GCNT1: variants seen among roughly 807,000 people sequenced by gnomAD.
GCNT1 encodes glucosaminyl (N-acetyl) transferase 1.
GCNT1 carries 16 observed loss-of-function variants against 26.2 expected under a neutral mutation model. The ratio of observed to expected loss-of-function variants is 0.61; its 90% CI spans 0.41 to 0.93. The LOEUF is 0.93. Among genes scored for constraint, GCNT1 ranks in the 40% least tolerant of loss-of-function variants. The pLI, the probability that GCNT1 is intolerant of heterozygous loss-of-function variation, is 0.00. For missense variants in GCNT1, 477 were observed against 526.7 expected, an observed-to-expected ratio of 0.91 and a Z score of 0.92; for synonymous variants, 183 against 190.8, an observed-to-expected ratio of 0.96 and a Z score of 0.34.
the GCNT1 span, among the ~76,000 whole-genome samples, chr9:76,413,648 G>GTTTTTTTTTTTT: frequency 2.1e-4 from 6 of 28,118 alleles, no homozygotes; most frequent in Admixed American, 1.3e-3. Context: ...TTTTTGTTTT[G>GTTTTTTTTTTTT]TTTTGTTTTT....
chr9:76,430,646 A>G (rs1163256949), intron 1 of GCNT1, among the ~76,000 whole-genome samples: 1 of 152,072 alleles, frequency 6.6e-6, no homozygotes, highest in Non-Finnish European at 1.5e-5. Context: ...TTGGTCTCCC[A>G]AAGTGCTGGG....
chr9:76,398,216 C>T, the GCNT1 span, among the ~76,000 whole-genome samples: 1 of 151,738 alleles, frequency 6.6e-6, no homozygotes, highest in African/African-American at 2.4e-5. Context: ...TCTAAGTAAG[C>T]AATGAAAAAT....
chr9:76,458,805 C>G (rs549158243), upstream of GCNT1, among the ~76,000 whole-genome samples: 73 of 152,222 alleles, frequency 4.8e-4, no homozygotes, highest in Non-Finnish European at 9.1e-4. Context: ...ATGGTTATCT[C>G]TAAACTTTAC....
chr9:76,489,619 G>A (rs1447379505), intron 2 of GCNT1, among the ~76,000 whole-genome samples: 2 of 152,094 alleles, frequency 1.3e-5, no homozygotes, highest in African/African-American at 2.4e-5. Context: ...ATGCTGATTG[G>A]TGCATTTACA....
In GCNT1 at chr9:76,503,717, C is replaced by G. The variant is rs548515147; in HGVS notation, c.*49C>G. 7.4e-7 allele frequency: 1 copy of G among 1,342,702 alleles called. No homozygotes were observed. Among genetic ancestry groups the G allele is most frequent in the Non-Finnish European group, 1.0e-6 (1 of 980,442 alleles). The allele number at this position is 1,342,702 out of a possible 1,614,324, so 83.2% of individuals were successfully genotyped here. A position where few individuals can be genotyped will look rare whatever the true frequency, so the allele number is the denominator to read the frequency against. On this transcript the variant is annotated 3_prime_UTR_variant, in exon 4 of 4. Transcript: ENST00000376730. The stretch of plus-strand genomic sequence containing the variant: ...AAGAAGAAGGATACACAAAACGTAC[C>G]CTTATCTGTTTCCCCTTCCTTGTCA...
At chr9:76,445,812 T>C (rs1438104261) in intron 1 of GCNT1, among the ~76,000 whole-genome samples, 1 of 151,142 alleles carries the variant, frequency 6.6e-6, no homozygotes, top group Non-Finnish European at 1.5e-5. Flanking sequence ...CCTGTCTCTA[T>C]AAAAAATAGA....
chr9:76,410,198 G>A, the GCNT1 span, among the ~76,000 whole-genome samples: 8 of 152,028 alleles, frequency 5.3e-5, no homozygotes, highest in African/African-American at 9.7e-5. Flanking sequence ...TTGGAAGGCC[G>A]AGGTGGGTGG....
chr9:76,494,618 G>T lies in GCNT1; in HGVS notation c.-289-6298G>T, dbSNP rs113233399. Among the ~76,000 whole-genome samples the T allele has an allele frequency of 8.7e-3, 1,328 of 152,288 alleles. 17 individuals are homozygous for T. The highest frequency in any genetic ancestry group is 0.029 in the African/African-American group (1,192 of 41,540). On this transcript the variant is annotated intron_variant, in intron 2 of 3. Transcript: ENST00000376730. Reference sequence around the variant, plus strand: ...GCCCAGGTGCCTAAAGAAGGGAACAGAGTCCTGAAGTTTATACTAGAAATC... The same window carrying T: ...GCCCAGGTGCCTAAAGAAGGGAACATAGTCCTGAAGTTTATACTAGAAATC...
chr9:76,440,573 C>T (rs915513101), upstream of GCNT1, among the ~76,000 whole-genome samples: 2 of 152,146 alleles, frequency 1.3e-5, no homozygotes, highest in Non-Finnish European at 1.5e-5. Flanking sequence ...AGGTCCTGCA[C>T]CCACCTGTCC....
chr9:76,403,631 G>A, the GCNT1 span, among the ~76,000 whole-genome samples: 1 of 152,194 alleles, frequency 6.6e-6, no homozygotes, highest in Non-Finnish European at 1.5e-5. Flanking sequence ...TGTTTGGCCT[G>A]CTCATTGCTT....
upstream of GCNT1, among the ~76,000 whole-genome samples, chr9:76,454,807 G>A (rs962567549): frequency 2.7e-5 from 4 of 150,236 alleles, no homozygotes; most frequent in South Asian, 4.2e-4. Context: ...CCCCAGCCAG[G>A]CAAAACTGTG....
At position 76,483,194 on chromosome 9, in the gene GCNT1, A is replaced by C. The variant is rs534500841; in HGVS notation, c.-289-17722A>C. 6.6e-5 allele frequency among the ~76,000 whole-genome samples: 10 copies of C among 152,300 alleles called. No homozygotes were observed. The East Asian group carries it at 1.9e-3, about 29-fold the overall frequency. On this transcript the variant is annotated intron_variant, in intron 2 of 3. Transcript: ENST00000376730. ...TAAAATGTAAATAATTAAAATTTTAAAAAAGTATTTGTTGAGACTAGCCTC... is the reference window on the plus strand; with the variant it reads ...TAAAATGTAAATAATTAAAATTTTACAAAAGTATTTGTTGAGACTAGCCTC...
intron 2 of GCNT1, among the ~76,000 whole-genome samples, chr9:76,468,088 G>A (rs1171460249): frequency 6.6e-6 from 1 of 151,788 alleles, no homozygotes; most frequent in Admixed American, 6.6e-5. Flanking sequence ...TAAATACAGG[G>A]TCTCACCATG....
At chr9:76,393,923 C>G in the GCNT1 span, 1 of 650,232 alleles carries the variant, frequency 1.5e-6, no homozygotes, top group South Asian at 2.1e-5. Flanking sequence ...GCTCCCTCAA[C>G]CGAGCCAACG....
intron 2 of GCNT1, among the ~76,000 whole-genome samples, chr9:76,461,043 A>G (rs1437691786): frequency 6.6e-6 from 1 of 152,190 alleles, no homozygotes; most frequent in Non-Finnish European, 1.5e-5. Flanking sequence ...CACAAAATCC[A>G]CTTTATCCAC....
intron 1 of GCNT1, among the ~76,000 whole-genome samples, chr9:76,436,598 C>CAAAAAAAAAAA (rs1178497535): frequency 2.4e-5 from 1 of 41,130 alleles, no homozygotes; most frequent in Non-Finnish European, 4.7e-5. Context: ...GATTCCATCT[C>CAAAAAAAAAAA]AAAAAAAAAA....
the GCNT1 span, chr9:76,394,165 G>A: frequency 1.2e-6 from 2 of 1,603,872 alleles, no homozygotes; most frequent in Middle Eastern, 1.7e-4. Flanking sequence ...TAAGGCAGGT[G>A]CCTCATAATG....
At chr9:76,491,818 G>A (rs572806936) in intron 2 of GCNT1, among the ~76,000 whole-genome samples, 1 of 152,176 alleles carries the variant, frequency 6.6e-6, no homozygotes, top group Non-Finnish European at 1.5e-5. Context: ...GGCTGCACAC[G>A]TGCATATTTG....
At chr9:76,400,413 C>G in the GCNT1 span, among the ~76,000 whole-genome samples, 47 of 152,306 alleles carry the variant, frequency 3.1e-4, no homozygotes, top group Non-Finnish European at 5.9e-4. Context: ...CAACTCTATT[C>G]TCCCAGCCTT....
Sources: gnomAD v4.1 joint callset for allele counts (sites outside exome capture counted in the v4.1 genomes callset) on GRCh38, gnomAD v4.1.1 for gene constraint, MANE v1.5 for transcripts, NCBI Gene and HGNC (gene_info 2026-07-23, HGNC 2026-07-21) for gene names.